The following NLRP3 variants were observed in gnomAD, a reference collection of about 807,000 sequenced individuals.
The protein encoded by NLRP3 is NACHT, LRR and PYD domains-containing protein 3.
Under a neutral mutation model 91.3 loss-of-function variants are expected in NLRP3, and 48 were observed. That is an observed-to-expected ratio of 0.53 (90% CI 0.42 to 0.67). NLRP3 has a LOEUF of 0.67. Among genes scored for constraint, NLRP3 ranks in the 30% least tolerant of loss-of-function variants. The probability of loss-of-function intolerance (pLI) is 0.00; values close to 1 mark genes in which losing one functional copy is unlikely to be tolerated. For missense variants in NLRP3, 982 were observed against 1,276.9 expected (o/e 0.77, Z 3.52); for synonymous variants, 561 against 507.9 (o/e 1.10, Z -1.41).
intron 4 of NLRP3, 71 bp from the exon 5 acceptor site, chr1:247,429,514 C>T (rs770582984): frequency 5.4e-5 from 84 of 1,554,958 alleles, no homozygotes; most frequent in South Asian, 1.0e-4. Flanking sequence ...CCAGGCACCC[C>T]GGCCCCCAGC....
intron 5 of NLRP3, among the ~76,000 whole-genome samples, chr1:247,430,096 G>A (rs868062470): frequency 1.4e-4 from 21 of 152,088 alleles, no homozygotes; most frequent in African/African-American, 4.8e-4. Context: ...GGCTAGTCTC[G>A]AAGTCCTGAC....
At position 247,424,680 on chromosome 1, in the gene NLRP3, C is replaced by T. The variant is rs148478875; in HGVS notation, c.1231C>T (p.Leu411=). The T allele has an allele frequency of 8.7e-3, 13,977 of 1,614,230 alleles. 71 individuals carry two copies. The highest frequency in any genetic ancestry group is 0.01 in the Non-Finnish European group (12,349 of 1,180,038). The part of the protein sequence containing the change: ...EVLFTMCFIP[L]VCWIVCTGLK... ...CCTCTTCACCATGTGCTTCATCCCC[C>T]TGGTCTGCTGGATCGTGTGCACTGG... Residue 411 remains leucine (L), a synonymous_variant, in exon 4 of 10, where the codon CTG becomes TTG. Transcript: ENST00000336119. This position sits in a 1 kb window ranked among gnomAD's most constrained non-coding sequence, Gnocchi z 8.1.
chr1:247,427,300 C>T (rs545000570), intron 4 of NLRP3, among the ~76,000 whole-genome samples: 4 of 152,232 alleles, frequency 2.6e-5, no homozygotes, highest in East Asian at 3.9e-4. Flanking sequence ...AGGATTTCAG[C>T]GTATGGATTT....
Position 247,436,039 on chromosome 1 carries a change from C to T in NLRP3, c.2562C>T (p.Ser854=). The change falls in exon 7 of 10, where the codon TCC becomes TCT. Residue 854 remains serine, a synonymous_variant. Coordinates refer to ENST00000336119, the MANE Select transcript of NLRP3 (RefSeq NM_001243133.2). ...CATCAGTATTGAGCACCAGCCATTC[C>T]CTGACCAGACTCTATGTGGGGGAGA... is the stretch of plus-strand genomic sequence containing the variant. ...DLASVLSTSH[S]LTRLYVGENA... 2 of 1,614,134 alleles carry T rather than the reference C, an allele frequency of 1.2e-6. No individual in the cohort carries two copies. Among genetic ancestry groups the T allele is most frequent in the South Asian group, 1.1e-5 (1 of 91,076 alleles).
rs1662658980 is a variant in NLRP3, at chr1:247,423,921, G to A, written c.472G>A (p.Glu158Lys). 1 of 1,613,930 alleles carries A rather than the reference G, an allele frequency of 6.2e-7. No individual in the cohort carries two copies. The highest frequency in any genetic ancestry group is 1.1e-5 in the South Asian group (1 of 91,060). The change falls in exon 4 of 10, where the codon GAG becomes AAG. Residue 158 changes from glutamate (E) to lysine (K), a missense_variant. Physicochemically the swap from Glu to Lys is moderately conservative, Grantham distance 56 (BLOSUM62 1). Coordinates refer to ENST00000336119, the MANE Select transcript of NLRP3 (RefSeq NM_001243133.2). ...CIEDRNARLG[E>K]SVSLNKRYTR... ...TGAAGACAGGAATGCCCGTCTGGGT[G>A]AGAGTGTGAGCCTCAACAAACGCTA...
In NLRP3 at chr1:247,424,795, T is replaced by G; in HGVS notation, c.1346T>G (p.Leu449Arg). The change falls in exon 4 of 10, where the codon CTG becomes CGG. Residue 449 changes from leucine to arginine, a missense_variant. Leu to Arg is a moderately radical substitution (Grantham distance 102, BLOSUM62 -2). Transcript: ENST00000336119. This position sits in a 1 kb window ranked among gnomAD's most constrained non-coding sequence, Gnocchi z 8.1. Reference protein sequence around the residue: ...AVYVFFLSSLLQPRGGSQEHG... With the variant: ...AVYVFFLSSLRQPRGGSQEHG... Reference sequence around the variant, plus strand: ...TACGTCTTCTTCCTTTCCAGTTTGCTGCAGCCCCGGGGAGGGAGCCAGGAG... The same window carrying G: ...TACGTCTTCTTCCTTTCCAGTTTGCGGCAGCCCCGGGGAGGGAGCCAGGAG... 6.2e-7 allele frequency: 1 copy of G among 1,610,110 alleles called. No individual in the cohort carries two copies. The highest frequency in any genetic ancestry group is 8.5e-7 in the Non-Finnish European group (1 of 1,180,014).
intron 5 of NLRP3, among the ~76,000 whole-genome samples, chr1:247,433,759 C>T (rs1297429571): frequency 3.3e-4 from 37 of 112,066 alleles, no homozygotes; most frequent in African/African-American, 4.2e-4. Context: ...TTCCGGAGCT[C>T]TCTGGTCAGG....
At chr1:247,428,159 C>T (rs1572181365) in intron 4 of NLRP3, among the ~76,000 whole-genome samples, 1 of 149,644 alleles carries the variant, frequency 6.7e-6, no homozygotes, top group African/African-American at 2.5e-5. Flanking sequence ...ACCCATCCCT[C>T]TAGATGGCAC....
rs563871770 is a variant in NLRP3 at position 247,431,967 on chromosome 1, C to T, written c.2322-2136C>T. The stretch of plus-strand genomic sequence containing the variant: ...AGGCTGGAGTACAGTGGAGTGATCT[C>T]GGCTCACTGCAACATCCACCTCCTG... On this transcript the variant is annotated intron_variant, in intron 5 of 9. Coordinates refer to ENST00000336119, the MANE Select transcript of NLRP3 (RefSeq NM_001243133.2). Among the ~76,000 whole-genome samples the T allele has an allele frequency of 4.6e-5, 7 of 152,146 alleles. No individual in the cohort carries two copies. The South Asian group carries it at 1.0e-3, about 23-fold the overall frequency.
At chr1:247,447,852 G>A (rs1664686956) in intron 9 of NLRP3, among the ~76,000 whole-genome samples, 1 of 152,100 alleles carries the variant, frequency 6.6e-6, no homozygotes, top group Admixed American at 6.5e-5. Context: ...GAGTGGGTGG[G>A]CAATAGAAGA....
At chr1:247,438,576 G>T (rs1009248075) in intron 7 of NLRP3, among the ~76,000 whole-genome samples, 1 of 152,054 alleles carries the variant, frequency 6.6e-6, no homozygotes, top group African/African-American at 2.4e-5. Context: ...TAGATACGGG[G>T]TTTCACCATG....
rs1238100497 is a variant in NLRP3, at chr1:247,425,399, G to C, written c.1950G>C (p.Lys650Asn). ...AAAGGGCCATGGACTATTTCCCCAA[G>C]ATTGAGATCAATCTCTCCACCAGAA... ...FVQRAMDYFP[K>N]IEINLSTRMD... Residue 650 changes from lysine to asparagine, a missense_variant, in exon 4 of 10, where the codon AAG (lysine) becomes AAC (asparagine). Lys to Asn is a moderately conservative substitution (Grantham distance 94). Transcript: ENST00000336119. The surrounding 1 kb of genome is among the most constrained non-coding windows in gnomAD (Gnocchi z 4.1). 6.2e-7 allele frequency: 1 copy of C among 1,614,208 alleles called. No homozygotes were observed.
intron 5 of NLRP3, among the ~76,000 whole-genome samples, chr1:247,432,159 A>G (rs1663380460): frequency 1.3e-5 from 2 of 152,244 alleles, no homozygotes; most frequent in Admixed American, 1.3e-4. Context: ...CTGGGATTAC[A>G]GGCGTGAGCC....
In NLRP3 at chr1:247,418,450, C is replaced by T. The variant is rs971415409; in HGVS notation, c.-351C>T. On this transcript the variant is annotated 5_prime_UTR_variant, in exon 2 of 10. Transcript: ENST00000336119. ...CTGAGTAGCTGGGATTACAGGCGCC[C>T]GCCACCACACCCGGCTCATTTTTGT... 11 of 334,438 alleles carry T rather than the reference C, an allele frequency of 3.3e-5. No individual in the cohort carries two copies. The highest frequency in any genetic ancestry group is 1.3e-4 in the African/African-American group (6 of 46,338). 20.7% of individuals were successfully genotyped at this position (334,438 alleles called of 1,614,324 possible).
intron 7 of NLRP3, among the ~76,000 whole-genome samples, chr1:247,439,371 G>C (rs1664045436): frequency 6.6e-6 from 1 of 152,140 alleles, no homozygotes; most frequent in South Asian, 2.1e-4. Flanking sequence ...GAGGGCTGTG[G>C]GGAATCTGTT....
Position 247,418,933 on chromosome 1 carries a change from G to C in NLRP3, c.133G>C (p.Glu45Gln). 6.2e-7 allele frequency: 1 copy of C among 1,614,140 alleles called. No homozygotes were observed. Among genetic ancestry groups the C allele is most frequent in the Non-Finnish European group, 8.5e-7 (1 of 1,180,040 alleles). Reference protein sequence around the residue: ...GCIPLPRGQTEKADHVDLATL... With the variant: ...GCIPLPRGQTQKADHVDLATL... ...CATCCCCCTCCCGAGGGGTCAGACA[G>C]AGAAGGCAGACCATGTGGATCTAGC... The change falls in exon 2 of 10, where the codon GAG becomes CAG. Residue 45 changes from glutamate (E) to glutamine (Q), a missense_variant. Glu to Gln is a conservative substitution (Grantham distance 29). Transcript: ENST00000336119.
rs113926832 is a variant in NLRP3, at chr1:247,439,664, T to C, written c.2663+3524T>C. 4.3e-3 allele frequency among the ~76,000 whole-genome samples: 650 copies of C among 152,324 alleles called. 2 individuals carry two copies. The highest frequency in any genetic ancestry group is 0.015 in the African/African-American group (631 of 41,570). ...GCCTAGGACTTCCACATATAAAGTCTTAGAGGAAACAATTCAATCCATAAC... is the reference window on the plus strand; with the variant it reads ...GCCTAGGACTTCCACATATAAAGTCCTAGAGGAAACAATTCAATCCATAAC... On this transcript the variant is annotated intron_variant, in intron 7 of 9. Transcript: ENST00000336119.
At position 247,436,106 on chromosome 1, in the gene NLRP3, G is replaced by C. The variant is rs1440488961; in HGVS notation, c.2629G>C (p.Ala877Pro). The C allele has an allele frequency of 6.2e-7, 1 of 1,614,154 alleles. No homozygotes were observed. The highest frequency in any genetic ancestry group is 2.2e-5 in the East Asian group (1 of 44,878). The change falls in exon 7 of 10, where the codon GCC becomes CCC. Residue 877 changes from alanine to proline, a missense_variant. By Grantham distance (27) the Ala-to-Pro change is conservative (BLOSUM62 -1). Around this residue, in one of 5 missense-constraint regions of NLRP3, gnomAD observed 373 missense variants for 431.5 expected, o/e 0.86. Transcript: ENST00000336119. ...DSGVAILCEK[A>P]KNPQCNLQKL... ...AGGAGTCGCAATTTTATGTGAAAAA[G>C]CCAAGAATCCACAGTGTAACCTGCA...
chr1:247,419,164 A>AT lies in NLRP3; in HGVS notation c.277+96dup, dbSNP rs796602770. On this transcript the variant is annotated intron_variant, in intron 2 of 9. Transcript: ENST00000336119. ...CATCTTTATATATATATATATATAT[A>AT]TTTTTTTTTGAGACGGAGTTGCTCT... is the stretch of plus-strand genomic sequence containing the variant. 1.0e-3 allele frequency: 699 copies of AT among 692,402 alleles called. 1 individual carries two copies. Among genetic ancestry groups the AT allele is most frequent in the Middle Eastern group, 2.3e-3 (4 of 1,716 alleles). The allele number at this position is 692,402 out of a possible 1,614,324, so 42.9% of individuals were successfully genotyped here. A position where few individuals can be genotyped will look rare whatever the true frequency, so the allele number is the denominator to read the frequency against.
Sources: gnomAD v4.1 joint callset for allele counts (sites outside exome capture counted in the v4.1 genomes callset) on GRCh38, gnomAD v4.1.1 for gene constraint, gnomAD v4.1.1 regional missense constraint, Gnocchi (gnomAD v3.1) non-coding constraint, MANE v1.5 for transcripts, NCBI Gene and HGNC (gene_info 2026-07-23, HGNC 2026-07-21) for gene names.